Variants in RORA observed in about 807,000 individuals in gnomAD.
RORA encodes the protein nuclear receptor ROR-alpha.
Under a neutral mutation model 69.5 loss-of-function variants are expected in RORA, and 7 were observed. The ratio of observed to expected loss-of-function variants is 0.10; its 90% CI spans 0.06 to 0.19. The LOEUF (loss-of-function observed/expected upper bound fraction) is 0.19, where lower values mean the gene tolerates loss of function less well. RORA is among the 10% of genes least tolerant of loss of function. The pLI is 1.00. For missense variants in RORA, 457 were observed against 663.0 expected (o/e 0.69, Z 3.41); for synonymous variants, 261 against 240.8 (o/e 1.08, Z -0.78).
intron 1 of RORA, among the ~76,000 whole-genome samples, chr15:60,763,065 ATTTTTTTTTTTTTTTTTTTT>A (rs374433414): frequency 2.1e-5 from 1 of 48,368 alleles, no homozygotes; most frequent in African/African-American, 7.2e-5. Context: ...ATATGCACAG[ATTTTTTTTTTTTTTTTTTTT>A]TTTTTTTTTT....
chr15:60,804,443 A>C (rs192647841), intron 1 of RORA, among the ~76,000 whole-genome samples: 16 of 152,274 alleles, frequency 1.1e-4, no homozygotes, highest in Admixed American at 1.0e-3. Context: ...AAATTAGGAA[A>C]CTGAGGCTCA....
rs563575956 is a variant in RORA, at chr15:60,537,806, G to C, written c.197-5955C>G. On this transcript the variant is annotated intron_variant, in intron 2 of 10. Coordinates refer to ENST00000335670, the MANE Select transcript of RORA (RefSeq NM_134261.3). This position sits in a 1 kb window ranked among gnomAD's most constrained non-coding sequence, Gnocchi z 4.9. ...CTTGATTTTGGATTCTTTCATGACA[G>C]TATTTCATCCTTGCTGAACCTCACC... Among the ~76,000 whole-genome samples, 2 of 152,282 alleles carry C rather than the reference G, an allele frequency of 1.3e-5. No homozygotes were observed. The highest frequency in any genetic ancestry group is 4.8e-5 in the African/African-American group (2 of 41,556).
At chr15:60,686,155 G>A (rs1230960264) in intron 1 of RORA, among the ~76,000 whole-genome samples, 3 of 152,168 alleles carry the variant, frequency 2.0e-5, no homozygotes, top group African/African-American at 7.2e-5. Flanking sequence ...AGGCAGACCA[G>A]AAGTATGCCC....
At chr15:61,054,317 A>G (rs1252470513) in intron 1 of RORA, among the ~76,000 whole-genome samples, 1 of 39,192 alleles carries the variant, frequency 2.6e-5, no homozygotes. Flanking sequence ...TCATTTTCTG[A>G]AAAAAAAAAA....
chr15:60,887,589 A>G (rs187517608), intron 1 of RORA, among the ~76,000 whole-genome samples: 36 of 152,152 alleles, frequency 2.4e-4, no homozygotes, highest in African/African-American at 8.7e-4. Flanking sequence ...GTTGGATGTA[A>G]CTCCTGGGAC....
intron 1 of RORA, among the ~76,000 whole-genome samples, chr15:61,104,990 G>A (rs1446425345): frequency 6.7e-6 from 1 of 148,510 alleles, no homozygotes; most frequent in Admixed American, 6.7e-5. Flanking sequence ...CCATGATCAT[G>A]AGGCGCCCCC....
intron 1 of RORA, among the ~76,000 whole-genome samples, chr15:60,819,130 G>A (rs894478240): frequency 1.3e-5 from 2 of 152,142 alleles, no homozygotes; most frequent in Non-Finnish European, 2.9e-5. Flanking sequence ...CAAAAATCTC[G>A]AGCAGAGCAA....
chr15:60,914,044 C>T (rs114325289), intron 1 of RORA, among the ~76,000 whole-genome samples: 1 of 152,182 alleles, frequency 6.6e-6, no homozygotes, highest in Non-Finnish European at 1.5e-5. Context: ...TAGTGTATAC[C>T]ATGGTGTCTG....
intron 1 of RORA, among the ~76,000 whole-genome samples, chr15:60,738,439 G>A (rs974225798): frequency 1.3e-5 from 2 of 152,220 alleles, no homozygotes; most frequent in African/African-American, 4.8e-5. Flanking sequence ...CCACTCACCT[G>A]TTCCAAATCA....
intron 1 of RORA, among the ~76,000 whole-genome samples, chr15:61,118,217 G>C (rs1302977108): frequency 6.6e-6 from 1 of 152,132 alleles, no homozygotes; most frequent in African/African-American, 2.4e-5. Context: ...GGGAATGTCA[G>C]GGTTTCAAGT....
intron 1 of RORA, among the ~76,000 whole-genome samples, chr15:61,119,479 AT>A (rs1244982219): frequency 1.3e-5 from 2 of 150,622 alleles, no homozygotes; most frequent in East Asian, 2.0e-4. Context: ...TATACATTTT[AT>A]TTTTTCCCCC....
intron 2 of RORA, among the ~76,000 whole-genome samples, chr15:60,589,572 T>G (rs2068439047): frequency 1.3e-5 from 2 of 152,208 alleles, no homozygotes; most frequent in Admixed American, 1.3e-4. Flanking sequence ...CTCTCTCCCT[T>G]TGCCCAAGAA....
intron 1 of RORA, among the ~76,000 whole-genome samples, chr15:60,897,812 T>C (rs17237465): frequency 0.31 from 46,678 of 152,180 alleles, 7,400 homozygotes; most frequent in South Asian, 0.4. Context: ...TCAGCCATGA[T>C]CAGTCTATTT....
In RORA at chr15:60,864,773, G is replaced by C. The variant is rs567466827; in HGVS notation, c.167-186087C>G. 5.3e-5 allele frequency among the ~76,000 whole-genome samples: 8 copies of C among 152,334 alleles called. No homozygotes were observed. The South Asian group carries it at 8.3e-4, about 16-fold the overall frequency. Reference sequence around the variant, plus strand: ...TCTATCAGGAAGGAAGAAGACAGGAGCCCCATGAAGAGGGTGGGCATCTCA... The same window carrying C: ...TCTATCAGGAAGGAAGAAGACAGGACCCCCATGAAGAGGGTGGGCATCTCA... On this transcript the variant is annotated intron_variant, in intron 1 of 10. Coordinates refer to ENST00000335670, the MANE Select transcript of RORA (RefSeq NM_134261.3).
chr15:60,852,182 G>T (rs1188957891), intron 1 of RORA, among the ~76,000 whole-genome samples: 2 of 152,150 alleles, frequency 1.3e-5, no homozygotes, highest in African/African-American at 2.4e-5. Context: ...CACCATCATG[G>T]GTGTTCTTAT....
At chr15:61,182,946 T>C (rs1431401307) in intron 1 of RORA, 1 of 152,096 alleles carries the variant, frequency 6.6e-6, no homozygotes, top group Non-Finnish European at 1.5e-5. Flanking sequence ...GGGATCAAGA[T>C]CAAGATCATA....
At chr15:60,685,072 T>C (rs1317649407) in intron 1 of RORA, among the ~76,000 whole-genome samples, 2 of 152,238 alleles carry the variant, frequency 1.3e-5, no homozygotes, top group Non-Finnish European at 2.9e-5. Flanking sequence ...TCTTATTGCA[T>C]ACACCTTGTG....
intron 1 of RORA, among the ~76,000 whole-genome samples, chr15:60,913,789 C>A (rs916747803): frequency 3.3e-5 from 5 of 152,184 alleles, no homozygotes; most frequent in African/African-American, 9.7e-5. Flanking sequence ...GAGTTAGAGT[C>A]TATTAAAGGG....
intron 1 of RORA, among the ~76,000 whole-genome samples, chr15:60,974,895 G>A (rs563273360): frequency 6.6e-6 from 1 of 152,326 alleles, no homozygotes; most frequent in South Asian, 2.1e-4. Flanking sequence ...GGCTTTCCTA[G>A]GCGTTGAAAA....
Sources: gnomAD v4.1 joint callset for allele counts (sites outside exome capture counted in the v4.1 genomes callset) on GRCh38, gnomAD v4.1.1 for gene constraint, Gnocchi (gnomAD v3.1) non-coding constraint, MANE v1.5 for transcripts, NCBI Gene and HGNC (gene_info 2026-07-23, HGNC 2026-07-21) for gene names.